Variants in ATXN8OS observed in about 807,000 individuals in gnomAD.
ATXN8OS encodes the protein ATXN8 opposite strand (non-protein coding).
chr13:70,156,300 T>C (rs1888936285), intron 4 of ATXN8OS, among the ~76,000 whole-genome samples: 1 of 152,024 alleles, frequency 6.6e-6, no homozygotes, highest in African/African-American at 2.4e-5. Context: ...TTTCCAAGTA[T>C]ATTATTCTGT....
chr13:70,147,482 T>G (rs1888801388), intron 4 of ATXN8OS, among the ~76,000 whole-genome samples: 1 of 152,184 alleles, frequency 6.6e-6, no homozygotes, highest in Admixed American at 6.6e-5. Flanking sequence ...AGTGTTTTCT[T>G]CACTGCCAAT....
intron 4 of ATXN8OS, among the ~76,000 whole-genome samples, chr13:70,154,236 G>A (rs1006005748): frequency 6.6e-6 from 1 of 152,160 alleles, no homozygotes; most frequent in Non-Finnish European, 1.5e-5. Context: ...CCCAGTCCAT[G>A]TCAATCACAA....
chr13:70,149,847 A>G (rs1298445974), intron 4 of ATXN8OS, among the ~76,000 whole-genome samples: 1 of 152,168 alleles, frequency 6.6e-6, no homozygotes, highest in Non-Finnish European at 1.5e-5. Flanking sequence ...GATACATCAA[A>G]TAAACAAACA....
chr13:70,113,389 C>T (rs1888228787), intron 1 of ATXN8OS, among the ~76,000 whole-genome samples: 1 of 151,920 alleles, frequency 6.6e-6, no homozygotes, highest in Non-Finnish European at 1.5e-5. Context: ...GCATGATATC[C>T]TATTTTGTAT....
intron 1 of ATXN8OS, among the ~76,000 whole-genome samples, chr13:70,110,358 T>G (rs1052964072): frequency 9.9e-5 from 15 of 152,114 alleles, no homozygotes; most frequent in Admixed American, 6.6e-5. Flanking sequence ...AAAATTCAAC[T>G]TTATTATCAA....
At chr13:70,153,014 CTGTGTGTGTGTGTGTGTGTG>C (rs66574752) in intron 4 of ATXN8OS, among the ~76,000 whole-genome samples, 3 of 141,706 alleles carry the variant, frequency 2.1e-5, no homozygotes, top group Non-Finnish European at 3.1e-5. Flanking sequence ...TAAGAAAAAA[CTGTGTGTGTGTGTGTGTGTG>C]TGTGTGTGTG....
At chr13:70,152,204 C>G (rs906313444) in intron 4 of ATXN8OS, among the ~76,000 whole-genome samples, 4 of 151,946 alleles carry the variant, frequency 2.6e-5, no homozygotes, top group Non-Finnish European at 5.9e-5. Context: ...TTCCACCTGG[C>G]CAATTTCTAC....
At chr13:70,134,740 G>C (rs775638116) in intron 3 of ATXN8OS, among the ~76,000 whole-genome samples, 2 of 152,154 alleles carry the variant, frequency 1.3e-5, no homozygotes, top group Admixed American at 6.5e-5. Context: ...ATGGCTAGTG[G>C]CTGCCCTTGG....
At chr13:70,108,047 G>A (rs979324699) in intron 1 of ATXN8OS, 4 of 424,044 alleles carry the variant, frequency 9.4e-6, no homozygotes, top group African/African-American at 2.0e-5. Context: ...CTGGAGATGC[G>A]CGAGGGAGGG....
intron 4 of ATXN8OS, among the ~76,000 whole-genome samples, chr13:70,148,041 T>G (rs1293856303): frequency 6.6e-6 from 1 of 152,110 alleles, no homozygotes; most frequent in African/African-American, 2.4e-5. Flanking sequence ...GAAGTCAGCT[T>G]GAGTTAAGGT....
At chr13:70,128,874 G>A (rs1291431770) in intron 2 of ATXN8OS, among the ~76,000 whole-genome samples, 1 of 145,572 alleles carries the variant, frequency 6.9e-6, no homozygotes, top group African/African-American at 2.6e-5. Flanking sequence ...TTTTTTTTGA[G>A]ACAGAGTTTT....
At chr13:70,119,921 A>T (rs1029881448) in intron 2 of ATXN8OS, among the ~76,000 whole-genome samples, 1 of 151,864 alleles carries the variant, frequency 6.6e-6, no homozygotes, top group Admixed American at 6.6e-5. Context: ...TTCACAAAAA[A>T]AAATGCAAAA....
intron 3 of ATXN8OS, among the ~76,000 whole-genome samples, chr13:70,136,924 C>T (rs1888624577): frequency 6.6e-6 from 1 of 152,168 alleles, no homozygotes; most frequent in African/African-American, 2.4e-5. Context: ...GCGTGTTCCA[C>T]ATCACAGACA....
At chr13:70,161,102 G>C (rs754747850) in intron 4 of ATXN8OS, among the ~76,000 whole-genome samples, 15 of 150,990 alleles carry the variant, frequency 9.9e-5, no homozygotes, top group Non-Finnish European at 1.8e-4. Context: ...TTCTTCTAAA[G>C]TAAGCCAGTA....
At chr13:70,168,088 C>T (rs1395562958) in intron 4 of ATXN8OS, among the ~76,000 whole-genome samples, 1 of 152,006 alleles carries the variant, frequency 6.6e-6, no homozygotes, top group African/African-American at 2.4e-5. Context: ...AGAGAATTAC[C>T]TTCCATATAC....
At chr13:70,146,491 A>G (rs1860624991) in intron 3 of ATXN8OS, among the ~76,000 whole-genome samples, 1 of 152,194 alleles carries the variant, frequency 6.6e-6, no homozygotes, top group African/African-American at 2.4e-5. Context: ...ACTATTCACA[A>G]TAGCAAAGAC....
intron 1 of ATXN8OS, among the ~76,000 whole-genome samples, chr13:70,109,530 C>CA (rs1202468902): frequency 1.3e-5 from 2 of 151,948 alleles, no homozygotes; most frequent in Non-Finnish European, 2.9e-5. Flanking sequence ...AGTCCTTAGG[C>CA]AAAGTTGGAC....
rs577130856 is a variant in ATXN8OS at position 70,137,836 on chromosome 13, G to GA, written n.499+7959dup. On this transcript the variant is annotated intron_variant and non_coding_transcript_variant, in intron 3 of 4. Transcript: ENST00000678624. ...AACAACCTGAGACTGGATAATTTATGAAAAAAAGAGGTTTAATTGACTCAC... is the reference window on the plus strand; with the variant it reads ...AACAACCTGAGACTGGATAATTTATGAAAAAAAAGAGGTTTAATTGACTCAC... 1.7e-3 allele frequency among the ~76,000 whole-genome samples: 259 copies of GA among 152,162 alleles called. 1 individual carries two copies. The highest frequency in any genetic ancestry group is 3.2e-3 in the Non-Finnish European group (216 of 67,968).
intron 3 of ATXN8OS, among the ~76,000 whole-genome samples, chr13:70,130,346 T>C (rs1888513640): frequency 6.6e-6 from 1 of 152,168 alleles, no homozygotes; most frequent in African/African-American, 2.4e-5. Flanking sequence ...TGTGTATATA[T>C]GGAAAAATGT....
Sources: allele counts gnomAD v4.1 joint callset (sites outside exome capture counted in the v4.1 genomes callset), GRCh38; gene constraint gnomAD v4.1.1; transcripts MANE v1.5; gene names NCBI Gene and HGNC (gene_info 2026-07-23, HGNC 2026-07-21).